KLK6: variants seen among roughly 807,000 people sequenced by gnomAD.
KLK6 encodes the protein kallikrein-6.
A neutral mutation model predicts 21.7 loss-of-function variants in KLK6; 16 were observed. The ratio of observed to expected loss-of-function variants is 0.74; its 90% CI spans 0.50 to 1.12. The LOEUF is 1.12. Ranked by LOEUF, KLK6 falls within the 50% of genes most tolerant of loss-of-function variation. The pLI is 0.00. For missense variants in KLK6, 276 were observed against 304.6 expected (o/e 0.91, Z 0.70); for synonymous variants, 116 against 120.1 (o/e 0.97, Z 0.22).
chr19:50,960,048 GA>G (rs1276587874), intron 6 of KLK6, among the ~76,000 whole-genome samples: 127 of 92,722 alleles, frequency 1.4e-3, no homozygotes, highest in Non-Finnish European at 2.4e-3. Flanking sequence ...CGAGGAGGAG[GA>G]GGGAGAGGAG....
chr19:50,968,187 A>C (rs980893939), intron 2 of KLK6, 75 bp from the exon 3 acceptor site: 14 of 1,322,562 alleles, frequency 1.1e-5, no homozygotes, highest in Middle Eastern at 1.8e-4. Context: ...CTCCCTCTGC[A>C]TCCTCTCCTT....
At chr19:50,961,663 T>C in intron 6 of KLK6, 81 bp downstream of exon 6, 1 of 1,536,142 alleles carries the variant, frequency 6.5e-7, no homozygotes. Context: ...GGCCTGTGTC[T>C]CTCTCTTCCT....
chr19:50,963,071 A>T (rs958071322), intron 5 of KLK6, among the ~76,000 whole-genome samples: 1 of 151,862 alleles, frequency 6.6e-6, no homozygotes, highest in African/African-American at 2.4e-5. Context: ...CATCTCTCCC[A>T]TGCTATTCAC....
At chr19:50,968,381 T>G in intron 2 of KLK6, 160 bp downstream of exon 2, 2 of 540,870 alleles carry the variant, frequency 3.7e-6, no homozygotes, top group East Asian at 6.2e-5. Context: ...TCTTTCTACT[T>G]TCTTGGGCAC....
intron 4 of KLK6, 150 bp from the exon 5 acceptor site, chr19:50,963,699 T>C (rs765007254): frequency 9.8e-6 from 8 of 816,834 alleles, no homozygotes; most frequent in South Asian, 1.8e-5. Flanking sequence ...CAGAATAATC[T>C]TGGGGGCTAT....
rs557059530 is a variant in KLK6, at chr19:50,963,211, T to C, written c.445+91A>G. On this transcript the variant is annotated intron_variant, in intron 5 of 6. Coordinates refer to ENST00000310157, the MANE Select transcript of KLK6 (RefSeq NM_002774.4). ...TCCTCACCATTAGCCCATCTTCCCA[T>C]GGCCCCTCACCAATTTTCCCACTCC... 2.5e-4 allele frequency: 383 copies of C among 1,523,112 alleles called. No homozygotes were observed. The African/African-American group carries it at 4.6e-3, about 18-fold the overall frequency. The allele number at this position is 1,523,112 out of a possible 1,614,324, so 94.3% of individuals were successfully genotyped here.
At chr19:50,966,298 C>G (rs2090924794) in intron 4 of KLK6, among the ~76,000 whole-genome samples, 1 of 152,214 alleles carries the variant, frequency 6.6e-6, no homozygotes, top group South Asian at 2.1e-4. Flanking sequence ...TCTTCCTCTC[C>G]CTCCTGTTCC....
chr19:50,958,949 G>A lies in KLK6; in HGVS notation c.*215C>T, dbSNP rs918516354. 2.0e-5 allele frequency: 12 copies of A among 592,040 alleles called. No individual in the cohort carries two copies. Among genetic ancestry groups the A allele is most frequent in the Non-Finnish European group, 3.3e-5 (11 of 329,012 alleles). The allele number at this position is 592,040 out of a possible 1,614,324, so 36.7% of individuals were successfully genotyped here. A position where few individuals can be genotyped will look rare whatever the true frequency, so the allele number is the denominator to read the frequency against. On this transcript the variant is annotated 3_prime_UTR_variant, in exon 7 of 7. Coordinates refer to ENST00000310157, the MANE Select transcript of KLK6 (RefSeq NM_002774.4). The stretch of plus-strand genomic sequence containing the variant: ...TTCTCTTAGTGGTGGGGGTAAGACC[G>A]AGGACCCAAGTCCTCACTCATCACG...
chr19:50,961,985 T>A, intron 5 of KLK6, 105 bp from the exon 6 acceptor site: 1 of 1,228,564 alleles, frequency 8.1e-7, no homozygotes, highest in Non-Finnish European at 1.1e-6. Flanking sequence ...TATTGGTCCC[T>A]CTTTTCTATT....
At chr19:50,968,253 C>T in intron 2 of KLK6, 141 bp from the exon 3 acceptor site, 2 of 762,276 alleles carry the variant, frequency 2.6e-6, no homozygotes, top group Non-Finnish European at 4.7e-6. Context: ...CATCTAGCCT[C>T]CTGATTTATT....
At chr19:50,960,578 T>C (rs1293628223) in intron 6 of KLK6, among the ~76,000 whole-genome samples, 1 of 152,108 alleles carries the variant, frequency 6.6e-6, no homozygotes, top group Non-Finnish European at 1.5e-5. Flanking sequence ...CACCATCTGC[T>C]TCCTTACTAC....
At chr19:50,966,973 T>A (rs1047990823) in intron 4 of KLK6, among the ~76,000 whole-genome samples, 196 bp downstream of exon 4, 76 of 152,208 alleles carry the variant, frequency 5.0e-4, no homozygotes, top group African/African-American at 1.4e-3. Flanking sequence ...TTCTTTTTTT[T>A]ATTTTCTTTT....
rs754189512 is a variant in KLK6, at chr19:50,963,548, TC to T, written c.198del (p.Asn67IlefsTer27). On this transcript the variant is annotated frameshift_variant and splice_region_variant, in exon 5 of 7. Transcript: ENST00000310157. LOFTEE classifies it high-confidence loss of function. ...TGCTTCCCCAGGAAGACCTGAAGATTCCTGGGAAGGAAGAGGGCTGGGTCTC... is the reference window on the plus strand; with the variant it reads ...TGCTTCCCCAGGAAGACCTGAAGATTCTGGGAAGGAAGAGGGCTGGGTCTC... ...WVLTAAHCKK[P>X]NLQVFLGKHN... 258 of 1,613,756 alleles carry T rather than the reference TC, an allele frequency of 1.6e-4. No individual in the cohort carries two copies. Among genetic ancestry groups the T allele is most frequent in the Non-Finnish European group, 2.2e-4 (255 of 1,179,922 alleles).
chr19:50,962,087 C>T (rs920495827), intron 5 of KLK6: 1 of 512,226 alleles, frequency 2.0e-6, no homozygotes, highest in South Asian at 3.0e-5. Flanking sequence ...ATTCTTCCCC[C>T]CCATTGGCTG....
At chr19:50,967,962 A>AC in intron 3 of KLK6, 103 bp downstream of exon 3, 1 of 619,658 alleles carries the variant, frequency 1.6e-6, no homozygotes, top group South Asian at 1.9e-5. Context: ...AAGCTCCCCC[A>AC]CCCCAACCCT....
In KLK6 at chr19:50,961,733, G is replaced by T. The variant is rs779104387; in HGVS notation, c.582+11C>A. ...CCTGGCTGTGTAAGTGGCAGATCCG[G>T]GTCACCTCACCTGGCAGGAATCCTT... is the stretch of plus-strand genomic sequence containing the variant. On this transcript the variant is annotated intron_variant, in intron 6 of 6. Coordinates refer to ENST00000310157, the MANE Select transcript of KLK6 (RefSeq NM_002774.4). The T allele has an allele frequency of 3.7e-6, 6 of 1,611,718 alleles. No individual in the cohort carries two copies. In the African/African-American group the frequency reaches 6.7e-5, roughly 18 times the overall value.
intron 4 of KLK6, among the ~76,000 whole-genome samples, chr19:50,963,953 T>C (rs1266549947): frequency 6.6e-6 from 1 of 152,184 alleles, no homozygotes; most frequent in Non-Finnish European, 1.5e-5. Flanking sequence ...CAATGTAAGT[T>C]GGTCCTGTGC....
intron 1 of KLK6, 33 bp from the exon 2 acceptor site, chr19:50,968,624 T>A (rs909174622): frequency 8.9e-5 from 15 of 169,338 alleles, no homozygotes. Flanking sequence ...GAGTTAGAAA[T>A]GCGGGGAGCC....
chr19:50,960,015 A>AAGGAGG lies in KLK6; in HGVS notation c.583-705_583-700dup, dbSNP rs1270870624. ...GGAGGAAGAGGAGAAGGAAGAGGAG[A>AAGGAGG]AGGAGGAGGAGGAGGGGGAAGACGA... is the stretch of plus-strand genomic sequence containing the variant. On this transcript the variant is annotated intron_variant, in intron 6 of 6. Coordinates refer to ENST00000310157, the MANE Select transcript of KLK6 (RefSeq NM_002774.4). Among the ~76,000 whole-genome samples, 151 of 33,302 alleles carry AAGGAGG rather than the reference A, an allele frequency of 4.5e-3. 6 individuals are homozygous for AAGGAGG. The highest frequency in any genetic ancestry group is 0.044 in the African/African-American group (140 of 3,186). The allele number at this position is 33,302 out of a possible 152,430, so 21.8% of individuals were successfully genotyped here.
Sources: gnomAD v4.1 joint callset for allele counts (sites outside exome capture counted in the v4.1 genomes callset) on GRCh38, gnomAD v4.1.1 for gene constraint, MANE v1.5 for transcripts, NCBI Gene and HGNC (gene_info 2026-07-23, HGNC 2026-07-21) for gene names.